ASTN1: variants seen among roughly 807,000 people sequenced by gnomAD.
ASTN1 encodes the protein astrotactin-1.
A neutral mutation model predicts 140.7 loss-of-function variants in ASTN1; 41 were observed. The ratio of observed to expected loss-of-function variants is 0.29; its 90% CI spans 0.23 to 0.38. ASTN1 has a LOEUF of 0.38. ASTN1 is among the 10% of genes least tolerant of loss of function. The pLI is 1.00. For synonymous variants in ASTN1, 640 were observed against 652.2 expected (o/e 0.98, Z 0.29); for missense variants, 1,479 against 1,678.8 (o/e 0.88, Z 2.08).
intron 16 of ASTN1, among the ~76,000 whole-genome samples, chr1:176,920,017 T>TTTTC (rs1205026035): frequency 1.3e-5 from 2 of 152,208 alleles, no homozygotes; most frequent in East Asian, 1.9e-4. Context: ...CTACTTTTCT[T>TTTTC]TTTCTTTCTT....
chr1:176,970,555 A>ATAGGTAGGTAGG (rs35499067), intron 8 of ASTN1, among the ~76,000 whole-genome samples: 2 of 150,812 alleles, frequency 1.3e-5, no homozygotes, highest in African/African-American at 4.9e-5. Context: ...AGAAATAGAG[A>ATAGGTAGGTAGG]TAGGTAGGTA....
chr1:177,004,401 C>T (rs1674893264), intron 8 of ASTN1, among the ~76,000 whole-genome samples: 1 of 152,132 alleles, frequency 6.6e-6, no homozygotes. Flanking sequence ...CTGCCCAAAG[C>T]AACCTACAGA....
At chr1:177,033,896 G>C (rs573442475) in intron 2 of ASTN1, among the ~76,000 whole-genome samples, 1 of 152,136 alleles carries the variant, frequency 6.6e-6, no homozygotes, top group Non-Finnish European at 1.5e-5. Context: ...GCTTGGTGCT[G>C]CATGGCACTC....
rs547531602 is a variant in ASTN1 at position 177,142,326 on chromosome 1, A to G, written c.283+22068T>C. ...CCAGCAGTTGTTACATGATATGCAA[A>G]CTCAGGAAATAAAATCTAAAAATAA... On this transcript the variant is annotated intron_variant, in intron 1 of 22. Transcript: ENST00000361833. Among the ~76,000 whole-genome samples, 3 of 152,186 alleles carry G rather than the reference A, an allele frequency of 2.0e-5. No individual in the cohort carries two copies. In the South Asian group the frequency reaches 6.2e-4, roughly 32 times the overall value.
intron 1 of ASTN1, among the ~76,000 whole-genome samples, chr1:177,107,482 T>G (rs1315561478): frequency 1.3e-5 from 2 of 152,194 alleles, no homozygotes; most frequent in African/African-American, 2.4e-5. Flanking sequence ...ACTTTTTTTC[T>G]CCTTGCTCTG....
At chr1:176,991,435 C>A (rs1041929425) in intron 8 of ASTN1, among the ~76,000 whole-genome samples, 374 of 5,568 alleles carry the variant, frequency 0.067, no homozygotes, top group Middle Eastern at 0.25. Flanking sequence ...AAAAAAAAAA[C>A]CAAAAAAAAA....
intron 8 of ASTN1, among the ~76,000 whole-genome samples, chr1:177,008,838 G>C (rs567375603): frequency 6.4e-4 from 97 of 152,244 alleles, no homozygotes; most frequent in African/African-American, 2.3e-3. Context: ...GTCTGGGCTG[G>C]AGGGCAGGAA....
At chr1:176,986,846 C>T (rs1393319379) in intron 8 of ASTN1, among the ~76,000 whole-genome samples, 4 of 152,154 alleles carry the variant, frequency 2.6e-5, no homozygotes, top group African/African-American at 9.7e-5. Flanking sequence ...GTGTTAACTG[C>T]TTATAGTGGC....
At chr1:177,002,819 C>A (rs1329736817) in intron 8 of ASTN1, among the ~76,000 whole-genome samples, 1 of 151,940 alleles carries the variant, frequency 6.6e-6, no homozygotes, top group Non-Finnish European at 1.5e-5. Flanking sequence ...AATTACTCAC[C>A]TTTTTTTAAA....
At chr1:176,865,231 C>T (rs1167390751) in intron 22 of ASTN1, among the ~76,000 whole-genome samples, 1 of 152,100 alleles carries the variant, frequency 6.6e-6, no homozygotes, top group Non-Finnish European at 1.5e-5. Context: ...TGAAGGTCAC[C>T]TGAGCCATTG....
Position 176,960,852 on chromosome 1 carries a change from C to T in ASTN1, c.1599-2370G>A, listed in dbSNP as rs116966002. Among the ~76,000 whole-genome samples the T allele has an allele frequency of 8.7e-4, 132 of 152,204 alleles. 1 individual carries two copies. In the East Asian group the frequency reaches 0.025, roughly 28 times the overall value. On this transcript the variant is annotated intron_variant, in intron 9 of 22. Coordinates refer to ENST00000361833, the MANE Select transcript of ASTN1 (RefSeq NM_004319.3). ...TGCCTGACTTCTAATCATTTGCAGA[C>T]TCAGGTAAGATCCTACCCCTTCCAG...
At chr1:177,107,173 CT>C (rs1306036471) in intron 1 of ASTN1, among the ~76,000 whole-genome samples, 1 of 152,124 alleles carries the variant, frequency 6.6e-6, no homozygotes, top group Non-Finnish European at 1.5e-5. Context: ...CCCAGACCTG[CT>C]GAACCAGAAT....
chr1:176,959,386 G>C (rs1219618391), intron 9 of ASTN1, among the ~76,000 whole-genome samples: 8 of 151,980 alleles, frequency 5.3e-5, no homozygotes, highest in Admixed American at 5.2e-4. Flanking sequence ...CCAAGCGCTG[G>C]CTCCATTAGC....
chr1:177,087,437 G>A (rs1431568923), intron 1 of ASTN1, among the ~76,000 whole-genome samples: 5 of 152,150 alleles, frequency 3.3e-5, no homozygotes, highest in African/African-American at 1.2e-4. Context: ...GCCATCCTCA[G>A]CAGAGTGCTC....
chr1:176,976,760 G>C (rs1673381304), intron 8 of ASTN1: 1 of 152,130 alleles, frequency 6.6e-6, no homozygotes, highest in African/African-American at 2.4e-5. Context: ...TATAGCCAAG[G>C]TCTCAAGTTC....
intron 1 of ASTN1, among the ~76,000 whole-genome samples, chr1:177,073,036 T>C (rs905586444): frequency 1.3e-5 from 2 of 152,204 alleles, no homozygotes; most frequent in Admixed American, 1.3e-4. Context: ...ATAAGCTAGA[T>C]TGTAAACAAA....
chr1:177,028,507 T>C (rs1161653177), intron 5 of ASTN1, among the ~76,000 whole-genome samples: 1 of 152,226 alleles, frequency 6.6e-6, no homozygotes, highest in Non-Finnish European at 1.5e-5. Flanking sequence ...ACACCTGTTA[T>C]GAAGGGAATT....
intron 19 of ASTN1, among the ~76,000 whole-genome samples, chr1:176,884,021 G>C (rs1456909248): frequency 6.6e-6 from 1 of 152,208 alleles, no homozygotes; most frequent in Non-Finnish European, 1.5e-5. Flanking sequence ...AGGATAACTA[G>C]TGTATTGTAT....
intron 1 of ASTN1, among the ~76,000 whole-genome samples, chr1:177,110,376 A>C (rs570396753): frequency 2.2e-4 from 34 of 152,356 alleles, no homozygotes; most frequent in African/African-American, 7.2e-4. Flanking sequence ...AGACCAATAC[A>C]TCATTGTACC....
Sources: gnomAD v4.1 joint callset for allele counts (sites outside exome capture counted in the v4.1 genomes callset) on GRCh38, gnomAD v4.1.1 for gene constraint, MANE v1.5 for transcripts, NCBI Gene and HGNC (gene_info 2026-07-23, HGNC 2026-07-21) for gene names.